SSC5D: variants seen among roughly 807,000 people sequenced by gnomAD.
The protein encoded by SSC5D is soluble scavenger receptor cysteine-rich domain-containing protein SSC5D.
In SSC5D, 106 loss-of-function variants were observed where a neutral mutation model predicts 104.6. That is an observed-to-expected ratio of 1.01 (90% CI 0.87 to 1.19). The LOEUF (loss-of-function observed/expected upper bound fraction) is 1.19. SSC5D is among the 50% of genes most tolerant of loss of function. The pLI, the probability that SSC5D is intolerant of heterozygous loss-of-function variation, is 0.00. For missense variants in SSC5D, 1,993 were observed against 2,153.8 expected (o/e 0.93, Z 1.48); for synonymous variants, 860 against 883.5 (o/e 0.97, Z 0.47).
At chr19:55,495,234 T>TATATATATATATATATATATATAA (rs56232242) in intron 8 of SSC5D, among the ~76,000 whole-genome samples, 1 of 22,254 alleles carries the variant, frequency 4.5e-5, no homozygotes, top group African/African-American at 1.4e-4. Context: ...TATATATATA[T>TATATATATATATATATATATATAA]TTTTTTTTTT....
intron 12 of SSC5D, among the ~76,000 whole-genome samples, chr19:55,507,807 G>A (rs1216356480): frequency 2.0e-5 from 3 of 152,134 alleles, no homozygotes; most frequent in African/African-American, 4.8e-5. Context: ...GGACTAGAGC[G>A]GAGTGTTGGG....
chr19:55,513,081 C>G lies in SSC5D; in HGVS notation c.2856C>G (p.Thr952=). The G allele has an allele frequency of 6.4e-7, 1 of 1,551,188 alleles. No homozygotes were observed. The highest frequency in any genetic ancestry group is 1.2e-5 in the South Asian group (1 of 84,024). Residue 952 remains threonine (T), a synonymous_variant, in exon 13 of 14, where the codon ACC becomes ACG. Transcript: ENST00000389623. The stretch of plus-strand genomic sequence containing the variant: ...CAGGAAGGGGCCTGGCTGAGGGGAC[C>G]CCTACCGCAGGCAAACTAGGACCAA... The part of the protein sequence containing the change: ...TPSGRGLAEG[T]PTAGKLGPTL...
In SSC5D at chr19:55,490,925, C is replaced by T. The variant is rs368515978; in HGVS notation, c.740C>T (p.Ala247Val). 5.2e-6 allele frequency: 8 copies of T among 1,543,114 alleles called. No individual in the cohort carries two copies. The highest frequency in any genetic ancestry group is 2.7e-5 in the African/African-American group (2 of 72,934). Residue 247 changes from alanine to valine, a missense_variant, in exon 6 of 14, where the codon GCC becomes GTC. Physicochemically the swap from Ala to Val is moderately conservative, Grantham distance 64. This residue lies in a region of SSC5D where 1,101 missense variants were observed against 1,085.0 expected (regional missense o/e 1.01). Coordinates refer to ENST00000389623, the MANE Select transcript of SSC5D (RefSeq NM_001144950.2). ...RELGCGGALA[A>V]PGGARFGPGA... ...CTGGGCTGTGGGGGGGCGCTGGCTGCCCCCGGCGGTGCCAGATTCGGGCCT... is the reference window on the plus strand; with the variant it reads ...CTGGGCTGTGGGGGGGCGCTGGCTGTCCCCGGCGGTGCCAGATTCGGGCCT...
At chr19:55,490,627 C>T (rs1987112808) in intron 5 of SSC5D, 145 bp from the exon 6 acceptor site, 14 of 957,622 alleles carry the variant, frequency 1.5e-5, no homozygotes, top group Admixed American at 2.9e-5. Context: ...CCGCTCAGGT[C>T]GTGGACTCAC....
At chr19:55,501,264 G>A (rs889571551) in intron 12 of SSC5D, 63 bp downstream of exon 12, 43 of 1,455,458 alleles carry the variant, frequency 3.0e-5, no homozygotes, top group South Asian at 4.4e-5. Context: ...CTTCCCTGCA[G>A]GGTTTCCAGA....
intron 8 of SSC5D, among the ~76,000 whole-genome samples, chr19:55,497,537 T>C (rs954474997): frequency 6.6e-6 from 1 of 152,228 alleles, no homozygotes; most frequent in Non-Finnish European, 1.5e-5. Context: ...TGAATGGTGC[T>C]GCTATGAACA....
In SSC5D at chr19:55,500,983, G is replaced by A; in HGVS notation, c.2618-51G>A. 6.5e-7 allele frequency: 1 copy of A among 1,546,628 alleles called. No individual in the cohort carries two copies. The highest frequency in any genetic ancestry group is 8.7e-7 in the Non-Finnish European group (1 of 1,143,194). ...AAAGGGGAGGGAAGAGCAGCAGCAA[G>A]GACCTCTGAGAAAGAGGATGGGGTC... On this transcript the variant is annotated intron_variant, in intron 11 of 13. Transcript: ENST00000389623. This position sits in a 1 kb window ranked among gnomAD's most constrained non-coding sequence, Gnocchi z 4.6.
intron 12 of SSC5D, among the ~76,000 whole-genome samples, chr19:55,512,627 G>A (rs537882119): frequency 1.1e-4 from 17 of 152,042 alleles, no homozygotes; most frequent in South Asian, 4.2e-4. Context: ...GATTATAGGC[G>A]TGTGCCACCA....
At position 55,517,411 on chromosome 19, in the gene SSC5D, G is replaced by A; in HGVS notation, c.3135G>A (p.Pro1045=). 1 of 1,550,776 alleles carries A rather than the reference G, an allele frequency of 6.4e-7. No individual in the cohort carries two copies. Among genetic ancestry groups the A allele is most frequent in the Non-Finnish European group, 8.7e-7 (1 of 1,146,942 alleles). ...CGTCCGAGGCGACCTCTGACGCTCC[G>A]GACACTTCACCACCCACCCCAGACC... is the stretch of plus-strand genomic sequence containing the variant. ...ALTSEATSDA[P]DTSPPTPDPA... Residue 1045 remains proline, a synonymous_variant, in exon 14 of 14, where the codon CCG becomes CCA. Transcript: ENST00000389623.
At chr19:55,490,728 C>A in intron 5 of SSC5D, 44 bp from the exon 6 acceptor site, 1 of 1,443,576 alleles carries the variant, frequency 6.9e-7, no homozygotes, top group South Asian at 1.4e-5. Flanking sequence ...GTGTTTGAAT[C>A]ATTTCTCACT....
chr19:55,511,505 C>T (rs537229125), intron 12 of SSC5D, among the ~76,000 whole-genome samples: 49 of 152,216 alleles, frequency 3.2e-4, no homozygotes, highest in Middle Eastern at 3.4e-3. Flanking sequence ...GAAAAGCCTG[C>T]GCGTTGTGGT....
intron 6 of SSC5D, chr19:55,491,391 T>G: frequency 2.9e-6 from 1 of 344,680 alleles, no homozygotes; most frequent in Non-Finnish European, 5.3e-6. Context: ...AATGCCTGCC[T>G]CAGGCTTGAG....
intron 12 of SSC5D, among the ~76,000 whole-genome samples, chr19:55,504,834 G>A (rs1049547646): frequency 2.0e-5 from 3 of 152,128 alleles, no homozygotes; most frequent in Non-Finnish European, 4.4e-5. Context: ...GGGGCGCCAG[G>A]GTTGTTGGAA....
chr19:55,503,988 G>T lies in SSC5D; in HGVS notation c.2785+2787G>T. 1 of 907,712 alleles carries T rather than the reference G, an allele frequency of 1.1e-6. No homozygotes were observed. Among genetic ancestry groups the T allele is most frequent in the South Asian group, 1.8e-5 (1 of 55,510 alleles). The allele number at this position is 907,712 out of a possible 1,614,324, so 56.2% of individuals were successfully genotyped here. A position where few individuals can be genotyped will look rare whatever the true frequency, so the allele number is the denominator to read the frequency against. On this transcript the variant is annotated intron_variant, in intron 12 of 13. Coordinates refer to ENST00000389623, the MANE Select transcript of SSC5D (RefSeq NM_001144950.2). This position sits in a 1 kb window ranked among gnomAD's most constrained non-coding sequence, Gnocchi z 4.0. ...CCCGCAGTAATAATAGCTGGGCGAA[G>T]GGCAACCAGGCCCCAAGAAGCGGGC...
chr19:55,504,142 G>A, intron 12 of SSC5D: 1 of 1,535,678 alleles, frequency 6.5e-7, no homozygotes, highest in Non-Finnish European at 8.7e-7. Flanking sequence ...TCCGAGAGGT[G>A]ATGCTCCTCG....
At position 55,489,523 on chromosome 19, in the gene SSC5D, C is replaced by G. The variant is rs770459683; in HGVS notation, c.222C>G (p.Phe74Leu). ...CACTGGCCGCCCCGGGAGGCGCCTTCTTCGGGGAGGGGGCAGGGCCTGTGT... is the reference window on the plus strand; with the variant it reads ...CACTGGCCGCCCCGGGAGGCGCCTTGTTCGGGGAGGGGGCAGGGCCTGTGT... ...GGALAAPGGA[F>L]FGEGAGPVWL... The change falls in exon 3 of 14, where the codon TTC (phenylalanine) becomes TTG (leucine). Residue 74 changes from phenylalanine (F) to leucine (L), a missense_variant. Phe to Leu is a conservative substitution (Grantham distance 22, BLOSUM62 0). Around this residue, in one of 6 missense-constraint regions of SSC5D, gnomAD observed 1,101 missense variants for 1,085.0 expected, o/e 1.01. Coordinates refer to ENST00000389623, the MANE Select transcript of SSC5D (RefSeq NM_001144950.2). 2 of 1,468,054 alleles carry G rather than the reference C, an allele frequency of 1.4e-6. No homozygotes were observed. The highest frequency in any genetic ancestry group is 1.8e-6 in the Non-Finnish European group (2 of 1,116,508). The allele number at this position is 1,468,054 out of a possible 1,614,324, so 90.9% of individuals were successfully genotyped here. A position where few individuals can be genotyped will look rare whatever the true frequency, so the allele number is the denominator to read the frequency against.
At chr19:55,507,857 A>G (rs1384033622) in intron 12 of SSC5D, among the ~76,000 whole-genome samples, 1 of 151,802 alleles carries the variant, frequency 6.6e-6, no homozygotes, top group Non-Finnish European at 1.5e-5. Context: ...AATGGACTGT[A>G]GGGGCCAGCG....
chr19:55,518,316 C>T lies in SSC5D; in HGVS notation c.4040C>T (p.Thr1347Ile). Reference protein sequence around the residue: ...TTVSLPTSLGTELSSPTLAPT... With the variant: ...TTVSLPTSLGIELSSPTLAPT... ...GTGTCCCTTCCAACCTCCTTGGGGA[C>T]AGAACTCTCCTCTCCCACTCTAGCA... Residue 1347 changes from threonine (T) to isoleucine (I), a missense_variant, in exon 14 of 14, where the codon ACA becomes ATA. Coordinates refer to ENST00000389623, the MANE Select transcript of SSC5D (RefSeq NM_001144950.2). 6.4e-7 allele frequency: 1 copy of T among 1,551,186 alleles called. No homozygotes were observed.
Position 55,488,717 on chromosome 19 carries a change from G to C in SSC5D, c.25+103G>C, listed in dbSNP as rs995635385. On this transcript the variant is annotated intron_variant, in intron 1 of 13. Coordinates refer to ENST00000389623, the MANE Select transcript of SSC5D (RefSeq NM_001144950.2). ...ACTCAAACTTCCGGGACTGGTCGCT[G>C]GTGCTCCTGCATACCCTGACATCCC... The C allele has an allele frequency of 1.1e-5, 12 of 1,051,132 alleles. No individual in the cohort carries two copies. In the African/African-American group the frequency reaches 1.4e-4, roughly 13 times the overall value. The allele number at this position is 1,051,132 out of a possible 1,614,324, so 65.1% of individuals were successfully genotyped here. A position where few individuals can be genotyped will look rare whatever the true frequency, so the allele number is the denominator to read the frequency against.
Sources: allele counts gnomAD v4.1 joint callset (sites outside exome capture counted in the v4.1 genomes callset), GRCh38; gene constraint gnomAD v4.1.1; regional missense constraint gnomAD v4.1.1; non-coding constraint Gnocchi (gnomAD v3.1); transcripts MANE v1.5; gene names NCBI Gene and HGNC (gene_info 2026-07-23, HGNC 2026-07-21).